Variants in LRBA observed in about 807,000 individuals in gnomAD.
LRBA encodes lipopolysaccharide-responsive and beige-like anchor protein.
Under a neutral mutation model 330.0 loss-of-function variants are expected in LRBA, and 176 were observed. The observed-to-expected ratio is 0.53, with a 90% CI of 0.47 to 0.60. The LOEUF (loss-of-function observed/expected upper bound fraction) is 0.60, where lower values mean the gene tolerates loss of function less well. LRBA is among the 20% of genes least tolerant of loss of function. LRBA has a pLI of 0.00. For missense variants in LRBA, 3,259 were observed against 3,444.8 expected, an observed-to-expected ratio of 0.95 and a Z score of 1.35; for synonymous variants, 1,230 against 1,193.0, an observed-to-expected ratio of 1.03 and a Z score of -0.64.
intron 30 of LRBA, among the ~76,000 whole-genome samples, chr4:150,818,947 G>A (rs1399323279): frequency 6.6e-6 from 1 of 152,018 alleles, no homozygotes; most frequent in East Asian, 1.9e-4. Context: ...CACAAAACAT[G>A]TATACAGTAA....
chr4:150,721,458 T>C, intron 36 of LRBA: 1 of 285,584 alleles, frequency 3.5e-6, no homozygotes, highest in South Asian at 4.3e-5. Flanking sequence ...CCCAGAAGTT[T>C]TTGTGATCAT....
intron 2 of LRBA, among the ~76,000 whole-genome samples, chr4:150,941,711 AC>A (rs1735696332): frequency 6.6e-6 from 1 of 151,762 alleles, no homozygotes; most frequent in African/African-American, 2.4e-5. Context: ...ACATGGGGGA[AC>A]CCCGTCTCTA....
intron 47 of LRBA, among the ~76,000 whole-genome samples, chr4:150,369,321 C>A (rs1454152034): frequency 6.6e-6 from 1 of 152,116 alleles, no homozygotes; most frequent in Non-Finnish European, 1.5e-5. Flanking sequence ...CACAAAGATG[C>A]ATATATCTGC....
chr4:150,844,176 G>A lies in LRBA; in HGVS notation c.4493C>T (p.Ser1498Phe). The A allele has an allele frequency of 1.2e-6, 2 of 1,609,442 alleles. No individual in the cohort carries two copies. Among genetic ancestry groups the A allele is most frequent in the Non-Finnish European group, 1.7e-6 (2 of 1,177,030 alleles). The change falls in exon 28 of 57, where the codon TCT becomes TTT. Residue 1498 changes from serine (S) to phenylalanine (F), a missense_variant. Ser to Phe is a radical substitution (Grantham distance 155). Transcript: ENST00000651943. Reference sequence around the variant, plus strand: ...AAGCCTGTCAAGATCTCTTACTGGAGATATACCGCCAGTCACAATGTCCAC... The same window carrying A: ...AAGCCTGTCAAGATCTCTTACTGGAAATATACCGCCAGTCACAATGTCCAC... Reference protein sequence around the residue: ...SPVDIVTGGISPVRDLDRLLQ... With the variant: ...SPVDIVTGGIFPVRDLDRLLQ...
At chr4:150,981,235 A>C (rs2149604765) in intron 2 of LRBA, among the ~76,000 whole-genome samples, 1 of 151,978 alleles carries the variant, frequency 6.6e-6, no homozygotes, top group South Asian at 2.1e-4. Context: ...AACATAGTGA[A>C]ACCTTGTCTC....
chr4:150,729,684 C>G (rs1730176765), intron 36 of LRBA, among the ~76,000 whole-genome samples: 1 of 151,970 alleles, frequency 6.6e-6, no homozygotes, highest in African/African-American at 2.4e-5. Flanking sequence ...TCAAAATAGC[C>G]AAAGCTATCC....
intron 36 of LRBA, among the ~76,000 whole-genome samples, chr4:150,724,075 C>T (rs1729328945): frequency 1.3e-5 from 2 of 152,210 alleles, no homozygotes; most frequent in Non-Finnish European, 2.9e-5. Flanking sequence ...AGCTGTTTAA[C>T]TCCAGTCCCT....
chr4:150,548,566 T>A (rs1285002398), intron 40 of LRBA, among the ~76,000 whole-genome samples: 1 of 152,170 alleles, frequency 6.6e-6, no homozygotes, highest in Admixed American at 6.6e-5. Flanking sequence ...AGTTTACTAG[T>A]CTATATTAAA....
chr4:150,451,788 T>G (rs1326857133), intron 44 of LRBA, among the ~76,000 whole-genome samples: 2 of 151,982 alleles, frequency 1.3e-5, no homozygotes, highest in Non-Finnish European at 2.9e-5. Flanking sequence ...GAAAAAGAAG[T>G]AAATGCCAGT....
At chr4:150,537,255 G>A (rs916045333) in intron 40 of LRBA, among the ~76,000 whole-genome samples, 10 of 152,118 alleles carry the variant, frequency 6.6e-5, no homozygotes, top group South Asian at 2.1e-4. Context: ...AAATAGTGCC[G>A]GTATAACTGG....
chr4:150,310,109 C>T, intron 52 of LRBA, 120 bp downstream of exon 52: 1 of 649,584 alleles, frequency 1.5e-6, no homozygotes, highest in Non-Finnish European at 2.7e-6. Flanking sequence ...CCTCTTCTCC[C>T]TATTTTGTAA....
rs34662958 is a variant in LRBA at position 150,285,946 on chromosome 4, C to G, written c.8106G>C (p.Leu2702Phe). The G allele has an allele frequency of 1.9e-3, 3,025 of 1,579,550 alleles. 46 individuals carry two copies. In the African/African-American group the frequency reaches 0.036, roughly 19 times the overall value. ...CCACAGGTTTACCTTGTGAACCACT[C>G]AACACCAGGCCTAGCTCCGCACACA... Reference protein sequence around the residue: ...AAVCAELGLVLSGSQEGPCLI... With the variant: ...AAVCAELGLVFSGSQEGPCLI... The change falls in exon 54 of 57, where the codon TTG (leucine) becomes TTC (phenylalanine). Residue 2702 changes from leucine to phenylalanine, a missense_variant. Transcript: ENST00000651943.
chr4:150,513,345 G>A (rs1353124787), intron 40 of LRBA, among the ~76,000 whole-genome samples: 3 of 152,164 alleles, frequency 2.0e-5, no homozygotes, highest in Non-Finnish European at 4.4e-5. Context: ...TTACTGTCCA[G>A]TATAAGAAAG....
rs368450966 is a variant in LRBA, at chr4:150,817,136, C to T, written c.5293G>A (p.Gly1765Arg). The T allele has an allele frequency of 5.6e-6, 9 of 1,611,618 alleles. No individual in the cohort carries two copies. The highest frequency in any genetic ancestry group is 7.6e-6 in the Non-Finnish European group (9 of 1,178,374). ...VDSAQASDMG[G>R]ESPGSRSSNA... Reference sequence around the variant, plus strand: ...ATAACTAACTCACCTGGTGATTCTCCTCCCATATCTGAGGCTTGGGCTGAA... The same window carrying T: ...ATAACTAACTCACCTGGTGATTCTCTTCCCATATCTGAGGCTTGGGCTGAA... Residue 1765 changes from glycine (G) to arginine (R), a missense_variant, in exon 31 of 57, where the codon GGA becomes AGA. Transcript: ENST00000651943.
intron 40 of LRBA, among the ~76,000 whole-genome samples, chr4:150,512,246 G>A (rs376055366): frequency 1.1e-4 from 16 of 152,138 alleles, no homozygotes; most frequent in African/African-American, 3.6e-4. Context: ...CATAATCAAG[G>A]TTAGCCAAAT....
chr4:150,984,737 GAGAC>G (rs1418508860), intron 2 of LRBA, among the ~76,000 whole-genome samples: 4 of 152,026 alleles, frequency 2.6e-5, no homozygotes, highest in African/African-American at 4.8e-5. Flanking sequence ...AACAGAATGA[GAGAC>G]AGACAAACAG....
In LRBA at chr4:150,851,880, A is replaced by T. The variant is rs903760747; in HGVS notation, c.3825+5T>A. 6.9e-6 allele frequency: 11 copies of T among 1,591,952 alleles called. No homozygotes were observed. Among genetic ancestry groups the T allele is most frequent in the African/African-American group, 1.4e-5 (1 of 74,054 alleles). ...GTACTTGAATAAGACAATATATAAA[A>T]TCACCTCAAGCACATGTCGATGAGG... On this transcript the variant is annotated splice_donor_5th_base_variant and intron_variant, in intron 23 of 56. Transcript: ENST00000651943.
At chr4:150,746,507 CTTTTTT>C (rs923454215) in intron 35 of LRBA, among the ~76,000 whole-genome samples, 1 of 136,486 alleles carries the variant, frequency 7.3e-6, no homozygotes. Flanking sequence ...GTTTCTCTTA[CTTTTTT>C]TTTTTTTTTT....
chr4:150,801,842 T>C (rs1741654563), intron 33 of LRBA, among the ~76,000 whole-genome samples: 1 of 151,988 alleles, frequency 6.6e-6, no homozygotes. Flanking sequence ...AAAAAAGTTT[T>C]TGCCCCATTG....
Sources: allele counts gnomAD v4.1 joint callset (sites outside exome capture counted in the v4.1 genomes callset), GRCh38; gene constraint gnomAD v4.1.1; transcripts MANE v1.5; gene names NCBI Gene and HGNC (gene_info 2026-07-23, HGNC 2026-07-21).